The following MVP variants were observed in gnomAD, a reference collection of about 807,000 sequenced individuals.
MVP encodes the protein lung resistance-related protein.
In MVP, 62 loss-of-function variants were observed where a neutral mutation model predicts 83.5. That is an observed-to-expected ratio of 0.74 (90% CI 0.61 to 0.92). MVP has a LOEUF of 0.92. Among genes scored for constraint, MVP ranks in the 40% least tolerant of loss-of-function variants. The pLI is 0.00. For synonymous variants in MVP, 505 were observed against 504.1 expected, an observed-to-expected ratio of 1.00 and a Z score of -0.02; for missense variants, 1,000 against 1,203.4, an observed-to-expected ratio of 0.83 and a Z score of 2.50.
chr16:29,840,188 CTT>C lies in MVP; in HGVS notation c.925_926del (p.Phe309ProfsTer37), dbSNP rs747163893. The C allele has an allele frequency of 3.1e-6, 5 of 1,609,674 alleles. No homozygotes were observed. In the Admixed American group the frequency reaches 6.7e-5, roughly 22 times the overall value. On this transcript the variant is annotated frameshift_variant, in exon 8 of 15. Coordinates refer to ENST00000357402, the MANE Select transcript of MVP (RefSeq NM_005115.5). LOFTEE classifies it high-confidence loss of function. The stretch of plus-strand genomic sequence containing the variant: ...ACGTCTCCCCACTAGGGAGAGAAGT[CTT>C]TTTTCCTCCAGCCAGGAGAGCAGCT...
chr16:29,830,624 G>T lies in MVP; in HGVS notation c.75G>T (p.Val25=). 2 of 1,614,060 alleles carry T rather than the reference G, an allele frequency of 1.2e-6. No individual in the cohort carries two copies. Among genetic ancestry groups the T allele is most frequent in the Non-Finnish European group, 1.7e-6 (2 of 1,180,004 alleles). The stretch of plus-strand genomic sequence containing the variant: ...ATGTGCTGGACCAGAACAGCAACGT[G>T]TCCCGTGTGGAGGTCGGGCCAAAGA... ...YIHVLDQNSN[V]SRVEVGPKTY... is the part of the protein sequence containing the mutation. The change falls in exon 2 of 15, where the codon GTG becomes GTT. Residue 25 remains valine, a synonymous_variant. Coordinates refer to ENST00000357402, the MANE Select transcript of MVP (RefSeq NM_005115.5).
At position 29,841,769 on chromosome 16, in the gene MVP, C is replaced by G. The variant is rs1215874463; in HGVS notation, c.1365C>G (p.Thr455=). ...SLQPLAPRNK[T]RVVSYRVPHN... ...AGCCCTTGGCGCCCCGGAACAAGAC[C>G]CGTGTGGTCAGCTACCGCGTGCCCC... Residue 455 remains threonine, a synonymous_variant, in exon 9 of 15, where the codon ACC becomes ACG. Transcript: ENST00000357402. This position sits in a 1 kb window ranked among gnomAD's most constrained non-coding sequence, Gnocchi z 4.7. 3 of 1,613,720 alleles carry G rather than the reference C, an allele frequency of 1.9e-6. No homozygotes were observed. Among genetic ancestry groups the G allele is most frequent in the Non-Finnish European group, 2.5e-6 (3 of 1,179,984 alleles).
chr16:29,840,570 T>C lies in MVP; in HGVS notation c.1191+111T>C, dbSNP rs1486516977. ...GGGACTTCAGCAGCATGGAGAGCCA[T>C]ATCAGGTGGGCTGTCTGGTTGGGGG... On this transcript the variant is annotated intron_variant, in intron 8 of 14. Coordinates refer to ENST00000357402, the MANE Select transcript of MVP (RefSeq NM_005115.5). The C allele has an allele frequency of 2.3e-6, 3 of 1,286,232 alleles. No individual in the cohort carries two copies. The East Asian group carries it at 7.6e-5, about 33-fold the overall frequency. 79.7% of individuals were successfully genotyped at this position (1,286,232 alleles called of 1,614,324 possible).
intron 1 of MVP, 51 bp from the exon 2 acceptor site, chr16:29,830,464 C>T (rs1456773032): frequency 2.6e-6 from 4 of 1,513,112 alleles, no homozygotes; most frequent in Non-Finnish European, 3.6e-6. Flanking sequence ...TCATGCCTGC[C>T]CCACCCCAGG....
intron 10 of MVP, among the ~76,000 whole-genome samples, chr16:29,843,555 AGGGAGGGAGGGAGGGAGGG>A (rs1567395364): frequency 4.0e-5 from 1 of 24,998 alleles, no homozygotes; most frequent in Admixed American, 4.6e-4. Flanking sequence ...GAAGGGAGGG[AGGGAGGGAGGGAGGGAGGG>A]AGGGAGGAAG....
Position 29,841,590 on chromosome 16 carries a change from C to G in MVP, c.1192-6C>G. ...GGGCAGCTTCCCTCCCTGTCCTCGT[C>G]CCAAGGTGCGCGCTGTGATTGGAAG... On this transcript the variant is annotated splice_polypyrimidine_tract_variant and splice_region_variant and intron_variant, in intron 8 of 14. Transcript: ENST00000357402. The surrounding 1 kb of genome is among the most constrained non-coding windows in gnomAD (Gnocchi z 4.7). The G allele has an allele frequency of 6.3e-7, 1 of 1,581,382 alleles. No individual in the cohort carries two copies. Among genetic ancestry groups the G allele is most frequent in the Non-Finnish European group, 8.6e-7 (1 of 1,161,532 alleles).
Position 29,841,369 on chromosome 16 carries a change from A to G in MVP, c.1192-227A>G, listed in dbSNP as rs2067532991. On this transcript the variant is annotated intron_variant, in intron 8 of 14. Transcript: ENST00000357402. This position sits in a 1 kb window ranked among gnomAD's most constrained non-coding sequence, Gnocchi z 4.7. ...TAGACCCTGCAAGGTAGCCACCGTC[A>G]AGTCCACTTGACACATGAGGAAACT... Among the ~76,000 whole-genome samples, 1 of 152,192 alleles carries G rather than the reference A, an allele frequency of 6.6e-6. No homozygotes were observed. The highest frequency in any genetic ancestry group is 2.4e-5 in the African/African-American group (1 of 41,454).
At chr16:29,847,445 C>G (rs1001046559) in intron 14 of MVP, 60 bp downstream of exon 14, 2 of 1,463,618 alleles carry the variant, frequency 1.4e-6, no homozygotes, top group Non-Finnish European at 1.8e-6. Flanking sequence ...GAAGGCAGAG[C>G]CAAGGCGGAA....
chr16:29,841,451 C>G lies in MVP; in HGVS notation c.1192-145C>G. The G allele has an allele frequency of 8.9e-7, 1 of 1,121,852 alleles. No homozygotes were observed. Among genetic ancestry groups the G allele is most frequent in the Non-Finnish European group, 1.2e-6 (1 of 812,302 alleles). The allele number at this position is 1,121,852 out of a possible 1,614,324, so 69.5% of individuals were successfully genotyped here. A position where few individuals can be genotyped will look rare whatever the true frequency, so the allele number is the denominator to read the frequency against. Reference sequence around the variant, plus strand: ...ATGACAGGGCCAGCAGATGGCAAACCCGGGGTGGAGCCTGGCCTCCCCGTA... The same window carrying G: ...ATGACAGGGCCAGCAGATGGCAAACGCGGGGTGGAGCCTGGCCTCCCCGTA... On this transcript the variant is annotated intron_variant, in intron 8 of 14. Coordinates refer to ENST00000357402, the MANE Select transcript of MVP (RefSeq NM_005115.5). The surrounding 1 kb of genome is among the most constrained non-coding windows in gnomAD (Gnocchi z 4.7).
In MVP at chr16:29,822,129, T is replaced by G. The variant is rs1475457847; in HGVS notation, c.-36+1619T>G. ...AAAGAATTATAGCTCAGTCCTATGA[T>G]TAGGCAAGTTGAGAAAATATTGATG... is the stretch of plus-strand genomic sequence containing the variant. On this transcript the variant is annotated intron_variant, in intron 1 of 14. Transcript: ENST00000357402. Among the ~76,000 whole-genome samples, 3 of 151,480 alleles carry G rather than the reference T, an allele frequency of 2.0e-5. No homozygotes were observed. In the East Asian group the frequency reaches 5.8e-4, roughly 29 times the overall value.
chr16:29,845,755 G>A, intron 11 of MVP, 108 bp from the exon 12 acceptor site: 1 of 869,644 alleles, frequency 1.1e-6, no homozygotes, highest in Admixed American at 2.5e-5. Flanking sequence ...CCTTCTAGGG[G>A]CTGGGGTCTG....
intron 7 of MVP, among the ~76,000 whole-genome samples, chr16:29,837,423 C>G (rs1596920802): frequency 6.6e-6 from 1 of 152,314 alleles, no homozygotes; most frequent in East Asian, 1.9e-4. Context: ...ACTTGTGTAT[C>G]TAGCCATAGA....
At chr16:29,839,128 C>T (rs1359950707) in intron 7 of MVP, among the ~76,000 whole-genome samples, 2 of 152,088 alleles carry the variant, frequency 1.3e-5, no homozygotes, top group East Asian at 3.9e-4. Context: ...ACAGTAGTTG[C>T]AGTGAGCCGA....
intron 11 of MVP, among the ~76,000 whole-genome samples, chr16:29,845,428 T>C (rs1021727966): frequency 6.6e-6 from 1 of 152,106 alleles, no homozygotes; most frequent in Non-Finnish European, 1.5e-5. Flanking sequence ...TGAAGGCCTT[T>C]TGCAATGGCT....
chr16:29,824,450 C>T (rs1056439982), intron 1 of MVP, among the ~76,000 whole-genome samples: 2 of 152,004 alleles, frequency 1.3e-5, no homozygotes, highest in Non-Finnish European at 2.9e-5. Flanking sequence ...GCAGTGTGGT[C>T]ACTTGGTCAA....
chr16:29,836,403 C>T (rs1226899713), intron 6 of MVP, among the ~76,000 whole-genome samples: 1 of 151,734 alleles, frequency 6.6e-6, no homozygotes, highest in African/African-American at 2.4e-5. Flanking sequence ...GGCGAAACCC[C>T]ATCTCTACTA....
chr16:29,821,827 AG>A (rs2067363760), intron 1 of MVP, among the ~76,000 whole-genome samples: 1 of 152,224 alleles, frequency 6.6e-6, no homozygotes, highest in Non-Finnish European at 1.5e-5. Flanking sequence ...GCTGTTACTT[AG>A]GGGCGTTTGC....
In MVP at chr16:29,840,398, G is replaced by A. The variant is rs768001513; in HGVS notation, c.1130G>A (p.Arg377His). ...PSAKVEVVEERQAIPLDENEG... is the reference protein window; with the variant it reads ...PSAKVEVVEEHQAIPLDENEG... ...GCCAAAGTGGAGGTGGTGGAGGAGCGCCAGGCCATCCCTCTAGACGAGAAC... is the reference window on the plus strand; with the variant it reads ...GCCAAAGTGGAGGTGGTGGAGGAGCACCAGGCCATCCCTCTAGACGAGAAC... The change falls in exon 8 of 15, where the codon CGC becomes CAC. Residue 377 changes from arginine (R) to histidine (H), a missense_variant. Transcript: ENST00000357402. 7.5e-6 allele frequency: 12 copies of A among 1,592,148 alleles called. No homozygotes were observed. The highest frequency in any genetic ancestry group is 5.5e-5 in the Admixed American group (3 of 54,276).
intron 5 of MVP, chr16:29,834,371 A>G (rs1342719168): frequency 2.7e-6 from 1 of 369,670 alleles, no homozygotes; most frequent in Non-Finnish European, 5.2e-6. Context: ...AGATGTTCAA[A>G]TACAATTGAC....
Sources: gnomAD v4.1 joint callset for allele counts (sites outside exome capture counted in the v4.1 genomes callset) on GRCh38, gnomAD v4.1.1 for gene constraint, Gnocchi (gnomAD v3.1) non-coding constraint, MANE v1.5 for transcripts, NCBI Gene and HGNC (gene_info 2026-07-23, HGNC 2026-07-21) for gene names.